Variants in AMN observed in about 807,000 individuals in gnomAD.
The protein encoded by AMN is amnion associated transmembrane protein.
AMN carries 40 observed loss-of-function variants against 49.1 expected under a neutral mutation model. That is an observed-to-expected ratio of 0.81 (90% CI 0.63 to 1.06). The LOEUF (loss-of-function observed/expected upper bound fraction) is 1.06, where lower values mean the gene tolerates loss of function less well. AMN is among the 50% of genes least tolerant of loss of function. The probability of loss-of-function intolerance (pLI) is 0.00; values close to 1 mark genes in which losing one functional copy is unlikely to be tolerated. For synonymous variants in AMN, 380 were observed against 313.3 expected (o/e 1.21, Z -2.25); for missense variants, 701 against 662.8 (o/e 1.06, Z -0.63).
rs969778231 is a variant in AMN at position 102,922,848 on chromosome 14, T to C, written c.43+117T>C. On this transcript the variant is annotated intron_variant, in intron 1 of 11. Transcript: ENST00000299155. The stretch of plus-strand genomic sequence containing the variant: ...TTCCGAGGAGTGGGCAGGGAGGGCT[T>C]TGGAGGGTTGGGGGCGTGAAACTCG... The C allele has an allele frequency of 6.5e-5, 91 of 1,403,706 alleles. No individual in the cohort carries two copies. The East Asian group carries it at 2.2e-3, about 33-fold the overall frequency. 87.0% of individuals were successfully genotyped at this position (1,403,706 alleles called of 1,614,324 possible). A position where few individuals can be genotyped will look rare whatever the true frequency, so the allele number is the denominator to read the frequency against.
intron 3 of AMN, among the ~76,000 whole-genome samples, chr14:102,926,599 T>C (rs1190231): frequency 0.25 from 37,352 of 149,928 alleles, 5,144 homozygotes; most frequent in African/African-American, 0.35. Context: ...TTTTTTTTTT[T>C]TTTTTGAGAT....
chr14:102,923,466 G>T, intron 1 of AMN: 1 of 523,644 alleles, frequency 1.9e-6, no homozygotes, highest in Non-Finnish European at 3.5e-6. Flanking sequence ...CTAGGCAGGC[G>T]TCCTGCAGGG....
In AMN at chr14:102,928,740, G is replaced by A. The variant is rs960935052; in HGVS notation, c.296-18G>A. ...GCGGCGCTTGTTCCGTGGAGCTCAG[G>A]GATGTGCTCCGGCTCAGGCGAACCT... On this transcript the variant is annotated intron_variant, in intron 4 of 11. Transcript: ENST00000299155. 6.2e-7 allele frequency: 1 copy of A among 1,602,836 alleles called. No homozygotes were observed. Among genetic ancestry groups the A allele is most frequent in the Non-Finnish European group, 8.5e-7 (1 of 1,177,380 alleles).
chr14:102,923,266 A>C (rs1367275726), intron 1 of AMN: 4 of 276,976 alleles, frequency 1.4e-5, no homozygotes, highest in African/African-American at 4.4e-5. Context: ...CTTACTTCTC[A>C]TACCGGGTTG....
rs1050952915 is a variant in AMN, at chr14:102,929,052, G to C, written c.514-69G>C. 4.1e-5 allele frequency: 65 copies of C among 1,596,728 alleles called. No individual in the cohort carries two copies. In the African/African-American group the frequency reaches 7.1e-4, roughly 17 times the overall value. ...ACCCCGCCCCTCCTGGTCTGCACAC[G>C]TTGGGTCTGAGCACTCAGGTGAAGT... On this transcript the variant is annotated intron_variant, in intron 5 of 11. Coordinates refer to ENST00000299155, the MANE Select transcript of AMN (RefSeq NM_030943.4).
In AMN at chr14:102,923,798, C is replaced by T; in HGVS notation, c.131C>T (p.Ala44Val). ...TGGAGCCAGAACCGGACCCCGTGCG[C>T]CGGCGGCGCCGTTGAGTTCCCGGCG... ...ANWSQNRTPC[A>V]GGAVEFPADK... The change falls in exon 2 of 12, where the codon GCC becomes GTC. Residue 44 changes from alanine (A) to valine (V), a missense_variant. By Grantham distance (64) the Ala-to-Val change is moderately conservative. Coordinates refer to ENST00000299155, the MANE Select transcript of AMN (RefSeq NM_030943.4). 6.2e-7 allele frequency: 1 copy of T among 1,612,686 alleles called. No homozygotes were observed. The highest frequency in any genetic ancestry group is 1.1e-5 in the South Asian group (1 of 91,074).
At chr14:102,925,920 G>A (rs1477633769) in intron 3 of AMN, among the ~76,000 whole-genome samples, 1 of 152,208 alleles carries the variant, frequency 6.6e-6, no homozygotes. Flanking sequence ...TGAGGCCCGA[G>A]TAACAGGCCG....
chr14:102,924,135 T>TG (rs993798264), intron 3 of AMN, among the ~76,000 whole-genome samples, 156 bp downstream of exon 3: 13 of 151,630 alleles, frequency 8.6e-5, no homozygotes, highest in South Asian at 8.3e-4. Flanking sequence ...AGGCAGGGAG[T>TG]GGGGGGGAAC....
intron 1 of AMN, chr14:102,923,348 G>T (rs1891104914): frequency 5.9e-6 from 2 of 341,598 alleles, no homozygotes; most frequent in African/African-American, 4.2e-5. Context: ...AGGCCGAGAA[G>T]AGGTCTGTGC....
chr14:102,926,300 A>C (rs1313443167), intron 3 of AMN, among the ~76,000 whole-genome samples: 1 of 152,120 alleles, frequency 6.6e-6, no homozygotes, highest in Non-Finnish European at 1.5e-5. Context: ...TTCTCTCCTT[A>C]GAGTGAACCC....
chr14:102,929,453 T>A lies in AMN; in HGVS notation c.677T>A (p.Leu226Gln). 1 of 1,531,290 alleles carries A rather than the reference T, an allele frequency of 6.5e-7. No individual in the cohort carries two copies. Among genetic ancestry groups the A allele is most frequent in the Non-Finnish European group, 8.7e-7 (1 of 1,145,236 alleles). 94.9% of individuals were successfully genotyped at this position (1,531,290 alleles called of 1,614,324 possible). ...GCGCAGCCGTGGATCTGCGCGGCCC[T>A]GCTCCAGCCCCTGGGCGGCCGCTGC... ...AEAQPWICAA[L>Q]LQPLGGRCPQ... Residue 226 changes from leucine to glutamine, a missense_variant, in exon 7 of 12, where the codon CTG becomes CAG. Transcript: ENST00000299155.
chr14:102,929,838 C>A, intron 8 of AMN, 86 bp from the exon 9 acceptor site: 1 of 1,543,248 alleles, frequency 6.5e-7, no homozygotes, highest in Non-Finnish European at 8.8e-7. Context: ...TGCTCACTTG[C>A]CCACTATCTG....
intron 4 of AMN, 67 bp downstream of exon 4, chr14:102,928,580 C>A (rs913872437): frequency 8.5e-6 from 13 of 1,535,756 alleles, no homozygotes; most frequent in South Asian, 7.0e-5. Context: ...GGAGGGAAGG[C>A]GCGTCGAGGG....
In AMN at chr14:102,928,498, C is replaced by T. The variant is rs1325784786; in HGVS notation, c.280C>T (p.Leu94=). The change falls in exon 4 of 12, where the codon CTG becomes TTG. Residue 94 remains leucine (L), a synonymous_variant. Transcript: ENST00000299155. Reference sequence around the variant, plus strand: ...CGGCGTCTCAGACGTGGGCTCGCACCTGGACTGTGGCGCGGGTGAGGCGGT... The same window carrying T: ...CGGCGTCTCAGACGTGGGCTCGCACTTGGACTGTGGCGCGGGTGAGGCGGT... ...GFGVSDVGSH[L]DCGAGEPAVF... 3 of 1,608,788 alleles carry T rather than the reference C, an allele frequency of 1.9e-6. No individual in the cohort carries two copies. Among genetic ancestry groups the T allele is most frequent in the Non-Finnish European group, 2.5e-6 (3 of 1,179,054 alleles).
At position 102,930,473 on chromosome 14, in the gene AMN, G is replaced by A; in HGVS notation, c.1237G>A (p.Val413Met). Residue 413 changes from valine to methionine, a missense_variant, in exon 11 of 12, where the codon GTG becomes ATG. Coordinates refer to ENST00000299155, the MANE Select transcript of AMN (RefSeq NM_030943.4). ...PLGFRNPVFDVTASEELPLPR... is the reference protein window; with the variant it reads ...PLGFRNPVFDMTASEELPLPR... Reference sequence around the variant, plus strand: ...CGGCTTCCGCAACCCGGTGTTCGACGTGACGGCCTCCGAGGAGCTGGTGAG... The same window carrying A: ...CGGCTTCCGCAACCCGGTGTTCGACATGACGGCCTCCGAGGAGCTGGTGAG... The A allele has an allele frequency of 6.5e-7, 1 of 1,532,410 alleles. No homozygotes were observed. Among genetic ancestry groups the A allele is most frequent in the Non-Finnish European group, 8.8e-7 (1 of 1,142,280 alleles). 94.9% of individuals were successfully genotyped at this position (1,532,410 alleles called of 1,614,324 possible). A position where few individuals can be genotyped will look rare whatever the true frequency, so the allele number is the denominator to read the frequency against.
chr14:102,923,006 GT>G, intron 1 of AMN: 1 of 476,896 alleles, frequency 2.1e-6, no homozygotes, highest in South Asian at 2.7e-5. Flanking sequence ...TGCCCTCGCG[GT>G]TTTTCCGTCT....
In AMN at chr14:102,922,710, C is replaced by T; in HGVS notation, c.22C>T (p.Leu8=). 1 of 1,595,110 alleles carries T rather than the reference C, an allele frequency of 6.3e-7. No individual in the cohort carries two copies. Residue 8 remains leucine, a synonymous_variant, in exon 1 of 12, where the codon CTG becomes TTG. Coordinates refer to ENST00000299155, the MANE Select transcript of AMN (RefSeq NM_030943.4). MGVLGRV[L]LWLQLCALTQ... ...CGAGATGGGCGTCCTGGGCCGGGTC[C>T]TGCTGTGGCTGCAGCTCTGCGGTGA...
At chr14:102,922,764 C>A (rs762243431) in intron 1 of AMN, 33 bp downstream of exon 1, 65 of 1,563,718 alleles carry the variant, frequency 4.2e-5, no homozygotes, top group Non-Finnish European at 1.7e-6. Context: ...CGGGCCCGGA[C>A]GGTAGCGGTC....
chr14:102,925,029 T>A (rs754075396), intron 3 of AMN, among the ~76,000 whole-genome samples: 12 of 152,166 alleles, frequency 7.9e-5, no homozygotes, highest in Non-Finnish European at 1.8e-4. Flanking sequence ...CGGTGGCCAC[T>A]GTCCCATTGC....
Sources: allele counts gnomAD v4.1 joint callset (sites outside exome capture counted in the v4.1 genomes callset), GRCh38; gene constraint gnomAD v4.1.1; transcripts MANE v1.5; gene names NCBI Gene and HGNC (gene_info 2026-07-23, HGNC 2026-07-21).